Variants in LETM2 observed in about 807,000 individuals in gnomAD.
LETM2 encodes the protein LETM1 domain-containing protein LETM2, mitochondrial.
A neutral mutation model predicts 59.6 loss-of-function variants in LETM2; 58 were observed. The ratio of observed to expected loss-of-function variants is 0.97; its 90% CI spans 0.79 to 1.21. LETM2 has a LOEUF of 1.21. LETM2 is among the 50% of genes most tolerant of loss of function. The probability of loss-of-function intolerance (pLI) is 0.00; values close to 1 mark genes in which losing one functional copy is unlikely to be tolerated. For synonymous variants in LETM2, 199 were observed against 214.1 expected (o/e 0.93, Z 0.62); for missense variants, 572 against 575.7 (o/e 0.99, Z 0.07).
chr8:38,382,990 C>G (rs551181969), upstream of LETM2: 1 of 152,290 alleles, frequency 6.6e-6, no homozygotes, highest in African/African-American at 2.4e-5. This position sits in a 1 kb window ranked among gnomAD's most constrained non-coding sequence, Gnocchi z 4.2. Context: ...GCGCCTCTTC[C>G]TGCTCTGCTG....
chr8:38,388,343 G>A (rs1466856011), intron 2 of LETM2, among the ~76,000 whole-genome samples: 2 of 151,684 alleles, frequency 1.3e-5, no homozygotes, highest in Non-Finnish European at 2.9e-5. Flanking sequence ...GGCTCCCAAA[G>A]TGCTGGGATT....
At position 38,400,401 on chromosome 8, in the gene LETM2, G is replaced by T; in HGVS notation, c.775G>T (p.Val259Leu). 6.4e-7 allele frequency: 1 copy of T among 1,573,352 alleles called. No individual in the cohort carries two copies. The highest frequency in any genetic ancestry group is 8.6e-7 in the Non-Finnish European group (1 of 1,162,668). ...TGCCTCTACACAGCTCTCATCCTAC[G>T]TGAAGCAGGTGTCCATCTTTTATGT... ...GDASTQLSSY[V>L]KQVQTGHKPS... Residue 259 changes from valine (V) to leucine (L), a missense_variant, in exon 5 of 11, where the codon GTG (valine) becomes TTG (leucine). By Grantham distance (32) the Val-to-Leu change is conservative (BLOSUM62 1). Transcript: ENST00000379957.
chr8:38,383,215 T>G, upstream of LETM2: 1 of 152,272 alleles, frequency 6.6e-6, no homozygotes, highest in East Asian at 1.9e-4. Context: ...GAGGCAACTC[T>G]CCGTCATCCT....
At chr8:38,393,067 A>T in intron 3 of LETM2, 72 bp downstream of exon 3, 1 of 1,287,872 alleles carries the variant, frequency 7.8e-7, no homozygotes, top group African/African-American at 1.5e-5. Context: ...AACTATTTAA[A>T]TTCAACGTAA....
intron 4 of LETM2, among the ~76,000 whole-genome samples, chr8:38,399,949 A>AG (rs1813041794): frequency 2.0e-5 from 3 of 147,984 alleles, no homozygotes; most frequent in African/African-American, 5.0e-5. Flanking sequence ...TGATCTCAAA[A>AG]AGAGAGAGAG....
intron 1 of LETM2, among the ~76,000 whole-genome samples, chr8:38,387,531 G>A (rs1384676735): frequency 6.6e-6 from 1 of 152,092 alleles, no homozygotes; most frequent in Non-Finnish European, 1.5e-5. Flanking sequence ...CAGGGTTTGG[G>A]ACAACTTGCC....
At chr8:38,391,300 G>GTTTTTTT (rs761566202) in intron 2 of LETM2, among the ~76,000 whole-genome samples, 3 of 109,164 alleles carry the variant, frequency 2.7e-5, no homozygotes, top group East Asian at 2.7e-4. Flanking sequence ...TTTTATTTTA[G>GTTTTTTT]TTTTTTTTTT....
chr8:38,402,107 C>T (rs978779435), intron 6 of LETM2, among the ~76,000 whole-genome samples: 1 of 152,018 alleles, frequency 6.6e-6, no homozygotes, highest in Non-Finnish European at 1.5e-5. Flanking sequence ...GTGTTAGGGC[C>T]ATTTCTGGGG....
At chr8:38,407,111 T>A in intron 9 of LETM2, 73 bp downstream of exon 9, 3 of 886,028 alleles carry the variant, frequency 3.4e-6, no homozygotes, top group Non-Finnish European at 5.6e-6. Context: ...TTCTCCTGTT[T>A]TAATCCCCTT....
rs1045703066 is a variant in LETM2 at position 38,392,605 on chromosome 8, C to T, written c.111C>T (p.His37=). The T allele has an allele frequency of 6.2e-7, 1 of 1,613,690 alleles. No individual in the cohort carries two copies. Among genetic ancestry groups the T allele is most frequent in the Non-Finnish European group, 8.5e-7 (1 of 1,179,892 alleles). ...ATTCCCCATCATGTGCATTTCTTCACTTGCCAGATTCCCATTTAAATAAGA... is the reference window on the plus strand; with the variant it reads ...ATTCCCCATCATGTGCATTTCTTCATTTGCCAGATTCCCATTTAAATAAGA... ...SSYSPSCAFL[H]LPDSHLNKTC... is the part of the protein sequence containing the mutation. The change falls in exon 3 of 11, where the codon CAC becomes CAT. Residue 37 remains histidine, a synonymous_variant. Coordinates refer to ENST00000379957, the MANE Select transcript of LETM2 (RefSeq NM_001286819.2).
rs779933846 is a variant in LETM2, at chr8:38,401,069, T to C, written c.984+16T>C. 53 of 1,589,700 alleles carry C rather than the reference T, an allele frequency of 3.3e-5. No homozygotes were observed. The highest frequency in any genetic ancestry group is 4.3e-5 in the Non-Finnish European group (50 of 1,158,910). The stretch of plus-strand genomic sequence containing the variant: ...AGATGATGAAGTAAGAGCTTAACCA[T>C]AGCTCTAGGGAATTAGCAAGGTTTT... On this transcript the variant is annotated intron_variant, in intron 6 of 10. Coordinates refer to ENST00000379957, the MANE Select transcript of LETM2 (RefSeq NM_001286819.2).
At chr8:38,384,880 A>C (rs1236604340), upstream of LETM2, among the ~76,000 whole-genome samples, 1 of 152,268 alleles carries the variant, frequency 6.6e-6, no homozygotes, top group Non-Finnish European at 1.5e-5. Flanking sequence ...ATTTCCCCGT[A>C]TAAAATGTCT....
upstream of LETM2, chr8:38,383,523 T>C (rs193073144): frequency 2.0e-4 from 31 of 152,336 alleles, no homozygotes; most frequent in African/African-American, 7.0e-4. Context: ...GATATCTCTA[T>C]CTTTAAATAT....
At position 38,409,293 on chromosome 8, in the gene LETM2, G is replaced by A. The variant is rs1316329865; in HGVS notation, c.*1019G>A. On this transcript the variant is annotated 3_prime_UTR_variant, in exon 11 of 11. Transcript: ENST00000379957. The stretch of plus-strand genomic sequence containing the variant: ...GTTAGACAGCAGTCAGTTAAAACAA[G>A]TAAAACTCCACTGTCCTGTCTGGGA... 2 of 152,192 alleles carry A rather than the reference G, an allele frequency of 1.3e-5. No homozygotes were observed. The highest frequency in any genetic ancestry group is 2.4e-5 in the African/African-American group (1 of 41,444). 9.4% of individuals were successfully genotyped at this position (152,192 alleles called of 1,614,324 possible). A position where few individuals can be genotyped will look rare whatever the true frequency, so the allele number is the denominator to read the frequency against.
rs775163529 is a variant in LETM2 at position 38,401,073 on chromosome 8, T to G, written c.984+20T>G. 2 of 1,593,998 alleles carry G rather than the reference T, an allele frequency of 1.3e-6. No homozygotes were observed. Among genetic ancestry groups the G allele is most frequent in the Non-Finnish European group, 1.7e-6 (2 of 1,163,084 alleles). ...GATGAAGTAAGAGCTTAACCATAGC[T>G]CTAGGGAATTAGCAAGGTTTTGGGA... is the stretch of plus-strand genomic sequence containing the variant. On this transcript the variant is annotated intron_variant, in intron 6 of 10. Transcript: ENST00000379957.
chr8:38,393,540 A>G (rs186557428), intron 3 of LETM2: 83 of 153,778 alleles, frequency 5.4e-4, no homozygotes, highest in Non-Finnish European at 1.0e-3. Flanking sequence ...CCAGCTACCC[A>G]GGAGGCTGAG....
At chr8:38,388,750 T>G (rs1811975935) in intron 2 of LETM2, among the ~76,000 whole-genome samples, 1 of 151,180 alleles carries the variant, frequency 6.6e-6, no homozygotes, top group Admixed American at 6.6e-5. Context: ...AGATGTAGTT[T>G]TTTTTGTTTG....
chr8:38,385,063 G>A (rs772956086), upstream of LETM2, among the ~76,000 whole-genome samples: 1 of 152,194 alleles, frequency 6.6e-6, no homozygotes, highest in Non-Finnish European at 1.5e-5. Flanking sequence ...AGAGTCCAAA[G>A]CTTTGTAGAT....
intron 8 of LETM2, 143 bp from the exon 9 acceptor site, chr8:38,406,803 C>T: frequency 1.8e-6 from 1 of 566,820 alleles, no homozygotes; most frequent in Middle Eastern, 2.7e-4. Flanking sequence ...TCATAGGTTA[C>T]TCATAAAGGG....
Sources: gnomAD v4.1 joint callset for allele counts (sites outside exome capture counted in the v4.1 genomes callset) on GRCh38, gnomAD v4.1.1 for gene constraint, Gnocchi (gnomAD v3.1) non-coding constraint, MANE v1.5 for transcripts, NCBI Gene and HGNC (gene_info 2026-07-23, HGNC 2026-07-21) for gene names.